FRMD4A: variants seen among roughly 807,000 people sequenced by gnomAD.
FRMD4A encodes FERM domain-containing protein 4A.
Under a neutral mutation model 129.1 loss-of-function variants are expected in FRMD4A, and 29 were observed. The ratio of observed to expected loss-of-function variants is 0.22; its 90% CI spans 0.17 to 0.31. The LOEUF (loss-of-function observed/expected upper bound fraction) is 0.31, where lower values mean the gene tolerates loss of function less well. Among genes scored for constraint, FRMD4A ranks in the 10% least tolerant of loss-of-function variants. FRMD4A has a pLI of 1.00. For synonymous variants in FRMD4A, 634 were observed against 571.6 expected (o/e 1.11, Z -1.56); for missense variants, 1,272 against 1,375.8 (o/e 0.92, Z 1.19).
At chr10:13,738,276 G>T (rs1588497151) in intron 11 of FRMD4A, among the ~76,000 whole-genome samples, 1 of 152,134 alleles carries the variant, frequency 6.6e-6, no homozygotes, top group Non-Finnish European at 1.5e-5. Context: ...TCCATGCCGG[G>T]ATGCTCACTC....
At chr10:14,031,985 A>G (rs542844298) in intron 2 of FRMD4A, among the ~76,000 whole-genome samples, 23 of 151,884 alleles carry the variant, frequency 1.5e-4, no homozygotes, top group Admixed American at 4.6e-4. Flanking sequence ...TAAGTTTTTA[A>G]TTTTTTGAGA....
intron 2 of FRMD4A, among the ~76,000 whole-genome samples, chr10:14,056,070 C>A (rs979785970): frequency 3.9e-5 from 6 of 152,138 alleles, no homozygotes; most frequent in Non-Finnish European, 7.3e-5. Context: ...CTCACTCTGT[C>A]GCCCAGGCTG....
chr10:14,227,865 G>T (rs1401394171), intron 2 of FRMD4A, among the ~76,000 whole-genome samples: 1 of 151,796 alleles, frequency 6.6e-6, no homozygotes, highest in East Asian at 1.9e-4. Context: ...TTCTAACAAA[G>T]TTTTCTGGCC....
At chr10:13,648,693 C>G (rs551580164) in intron 24 of FRMD4A, 2 of 152,314 alleles carry the variant, frequency 1.3e-5, no homozygotes, top group East Asian at 3.9e-4. Context: ...CCAGTGACAT[C>G]GGCTGGTACA....
At chr10:13,723,070 G>T (rs2089589599) in intron 12 of FRMD4A, among the ~76,000 whole-genome samples, 1 of 147,928 alleles carries the variant, frequency 6.8e-6, no homozygotes, top group Admixed American at 6.9e-5. Context: ...GGTTAGCTAG[G>T]TCTCCAAGCT....
chr10:14,185,678 G>GT (rs1842104839), intron 2 of FRMD4A, among the ~76,000 whole-genome samples: 2 of 152,212 alleles, frequency 1.3e-5, no homozygotes. Flanking sequence ...ATGAGCAGAA[G>GT]AGAGGATAGC....
chr10:14,277,346 G>T (rs1218362), intron 2 of FRMD4A, among the ~76,000 whole-genome samples: 15,268 of 152,244 alleles, frequency 0.1, 1,876 homozygotes, highest in African/African-American at 0.29. Flanking sequence ...TATTAGGAAG[G>T]GGGGCGGTTA....
intron 2 of FRMD4A, among the ~76,000 whole-genome samples, chr10:14,161,443 A>C (rs539317457): frequency 4.6e-5 from 7 of 152,260 alleles, no homozygotes; most frequent in Non-Finnish European, 2.9e-5. Flanking sequence ...GGATGAATAT[A>C]TAAAGAAAAT....
chr10:13,921,089 C>T (rs567932405), intron 2 of FRMD4A, among the ~76,000 whole-genome samples: 8 of 152,268 alleles, frequency 5.3e-5, no homozygotes, highest in South Asian at 4.1e-4. Context: ...GATCAGGGCA[C>T]GAGCACCATT....
intron 2 of FRMD4A, among the ~76,000 whole-genome samples, chr10:14,249,502 G>A (rs935297948): frequency 6.6e-6 from 1 of 152,174 alleles, no homozygotes; most frequent in Non-Finnish European, 1.5e-5. Context: ...CACTGCCCAT[G>A]CCACCCCAGT....
chr10:14,060,068 T>C (rs1166542699), intron 2 of FRMD4A, among the ~76,000 whole-genome samples: 1 of 152,206 alleles, frequency 6.6e-6, no homozygotes, highest in Admixed American at 6.5e-5. Flanking sequence ...ACTCTATCTC[T>C]AAGTTTAAGC....
chr10:14,290,684 T>C (rs1443130671), intron 2 of FRMD4A, among the ~76,000 whole-genome samples: 1 of 152,088 alleles, frequency 6.6e-6, no homozygotes, highest in Non-Finnish European at 1.5e-5. Flanking sequence ...AATAATTTCT[T>C]GGATGTGATG....
chr10:14,175,496 C>T (rs1197565778), intron 2 of FRMD4A, among the ~76,000 whole-genome samples: 1 of 151,218 alleles, frequency 6.6e-6, no homozygotes, highest in Non-Finnish European at 1.5e-5. Flanking sequence ...TCTTGATCAC[C>T]TCCTTCGTAG....
At chr10:13,904,510 G>A (rs556782232) in intron 2 of FRMD4A, among the ~76,000 whole-genome samples, 2 of 152,204 alleles carry the variant, frequency 1.3e-5, no homozygotes, top group Non-Finnish European at 2.9e-5. Context: ...TCTCCGTCAA[G>A]AATTCTTCAA....
At chr10:14,096,795 C>T (rs1564287352) in intron 2 of FRMD4A, among the ~76,000 whole-genome samples, 1 of 152,140 alleles carries the variant, frequency 6.6e-6, no homozygotes, top group Non-Finnish European at 1.5e-5. Flanking sequence ...TTCTTTCCCA[C>T]CTACATTATG....
chr10:14,206,841 TA>T (rs1015517449), intron 2 of FRMD4A, among the ~76,000 whole-genome samples: 1 of 97,306 alleles, frequency 1.0e-5, no homozygotes, highest in South Asian at 3.4e-4. Flanking sequence ...AGAAACAAAA[TA>T]TTTTTTTAAT....
At chr10:13,826,577 A>T (rs928034191) in intron 3 of FRMD4A, among the ~76,000 whole-genome samples, 4 of 152,104 alleles carry the variant, frequency 2.6e-5, no homozygotes, top group African/African-American at 9.7e-5. Context: ...TTTTCATTTA[A>T]GTTGGAAGTT....
At chr10:13,833,720 T>C (rs7903334) in intron 3 of FRMD4A, among the ~76,000 whole-genome samples, 76,674 of 151,536 alleles carry the variant, frequency 0.51, 19,460 homozygotes, top group East Asian at 0.62. Context: ...ATCTCGTAAG[T>C]CTTTACAAGA....
At chr10:14,293,499 A>G (rs1845912668) in intron 2 of FRMD4A, among the ~76,000 whole-genome samples, 1 of 152,226 alleles carries the variant, frequency 6.6e-6, no homozygotes, top group Non-Finnish European at 1.5e-5. Flanking sequence ...CAAATGTCCT[A>G]TGAACAAAAA....
Sources: gnomAD v4.1 joint callset for allele counts (sites outside exome capture counted in the v4.1 genomes callset) on GRCh38, gnomAD v4.1.1 for gene constraint, MANE v1.5 for transcripts, NCBI Gene and HGNC (gene_info 2026-07-23, HGNC 2026-07-21) for gene names.